The following MTHFD1L variants were observed in gnomAD, a reference collection of about 807,000 sequenced individuals.
MTHFD1L encodes methylenetetrahydrofolate dehydrogenase (NADP+ dependent) 1 like, also known as monofunctional C1-tetrahydrofolate synthase, mitochondrial.
A neutral mutation model predicts 119.5 loss-of-function variants in MTHFD1L; 81 were observed. The observed-to-expected ratio is 0.68, with a 90% confidence interval of 0.57 to 0.82. The LOEUF is 0.82. Ranked by LOEUF, MTHFD1L falls within the 40% of genes least tolerant of loss-of-function variation. The pLI, the probability that MTHFD1L is intolerant of heterozygous loss-of-function variation, is 0.00. For missense variants in MTHFD1L, 1,125 were observed against 1,253.4 expected (o/e 0.90, Z 1.55); for synonymous variants, 430 against 475.2 (o/e 0.90, Z 1.24).
At chr6:151,012,019 C>CAAAAAAAAAAAAAAAAAAAAAAAAA (rs1043831602) in intron 21 of MTHFD1L, among the ~76,000 whole-genome samples, 2 of 58,838 alleles carry the variant, frequency 3.4e-5, no homozygotes, top group Non-Finnish European at 6.7e-5. Context: ...ACAACAACAA[C>CAAAAAAAAAAAAAAAAAAAAAAAAA]AAAAAAAAAA....
At chr6:151,017,472 G>A (rs1312266702) in intron 24 of MTHFD1L, among the ~76,000 whole-genome samples, 2 of 151,728 alleles carry the variant, frequency 1.3e-5, no homozygotes, top group South Asian at 2.1e-4. Flanking sequence ...TCAGGCTCCC[G>A]AGTAGCTGGG....
At chr6:150,906,385 C>A (rs1785908481) in intron 8 of MTHFD1L, among the ~76,000 whole-genome samples, 1 of 152,232 alleles carries the variant, frequency 6.6e-6, no homozygotes, top group Non-Finnish European at 1.5e-5. Flanking sequence ...CCAAGCAGTG[C>A]CCGCAACAGG....
chr6:150,900,551 C>T (rs771137677), intron 7 of MTHFD1L, among the ~76,000 whole-genome samples: 21 of 152,274 alleles, frequency 1.4e-4, no homozygotes, highest in Non-Finnish European at 2.4e-4. Context: ...GTTCCAGACC[C>T]GGGCCCCCAG....
At chr6:151,006,847 G>A (rs1437119795) in intron 20 of MTHFD1L, among the ~76,000 whole-genome samples, 1 of 152,010 alleles carries the variant, frequency 6.6e-6, no homozygotes, top group Non-Finnish European at 1.5e-5. Context: ...AGAACTTAGA[G>A]ATCACTTGAT....
At chr6:151,007,555 T>G (rs1781580381) in intron 20 of MTHFD1L, among the ~76,000 whole-genome samples, 1 of 152,188 alleles carries the variant, frequency 6.6e-6, no homozygotes, top group Admixed American at 6.5e-5. Context: ...AACAAGGAAC[T>G]TGCCAAGGTG....
intron 26 of MTHFD1L, among the ~76,000 whole-genome samples, chr6:151,061,057 G>A (rs73622439): frequency 0.022 from 3,340 of 152,220 alleles, 125 homozygotes; most frequent in African/African-American, 0.076. Flanking sequence ...TGCAGAAATG[G>A]CTCTCAGATT....
intron 7 of MTHFD1L, among the ~76,000 whole-genome samples, chr6:150,902,669 A>G (rs1310377294): frequency 1.3e-5 from 2 of 152,188 alleles, no homozygotes; most frequent in African/African-American, 2.4e-5. Flanking sequence ...GCTGTTCTCC[A>G]GTTGCAGATG....
intron 5 of MTHFD1L, among the ~76,000 whole-genome samples, chr6:150,884,687 C>T (rs117097155): frequency 6.6e-6 from 1 of 152,128 alleles, no homozygotes; most frequent in Non-Finnish European, 1.5e-5. Context: ...GAAAATGGTT[C>T]TAAATGTCTC....
chr6:150,973,511 T>C (rs1371465911), intron 20 of MTHFD1L, among the ~76,000 whole-genome samples: 4 of 152,136 alleles, frequency 2.6e-5, no homozygotes, highest in Non-Finnish European at 5.9e-5. Flanking sequence ...GAAAGTTGGG[T>C]GCTTAAGTGA....
At chr6:151,003,485 T>C (rs1216078162) in intron 20 of MTHFD1L, among the ~76,000 whole-genome samples, 3 of 151,936 alleles carry the variant, frequency 2.0e-5, no homozygotes, top group African/African-American at 7.3e-5. Flanking sequence ...TAAGCCGAGA[T>C]CGCACCATTG....
In MTHFD1L at chr6:150,887,856, G is replaced by T; in HGVS notation, c.655G>T (p.Asp219Tyr). 1 of 1,601,156 alleles carries T rather than the reference G, an allele frequency of 6.2e-7. No individual in the cohort carries two copies. ...CATTTGGTTAGTAGGTGTCAACCTA[G>T]ATGGAAAGAAGATTTTGGTAGTGGG... ...ELLEKSGVNL[D>Y]GKKILVVGAH... The change falls in exon 7 of 28, where the codon GAT (aspartate) becomes TAT (tyrosine). Residue 219 changes from aspartate (D) to tyrosine (Y), a missense_variant. This residue lies in a region of MTHFD1L where 1,058 missense variants were observed against 1,151.2 expected (regional missense o/e 0.92). Coordinates refer to ENST00000367321, the MANE Select transcript of MTHFD1L (RefSeq NM_015440.5).
In MTHFD1L at chr6:151,101,648, A is replaced by G. The variant is rs1006194045; in HGVS notation, c.*154A>G. The stretch of plus-strand genomic sequence containing the variant: ...TAGGCCAAAGATTTCTTCTTCGTTC[A>G]AGATGAATTCTGTTCACAGTGGAGT... On this transcript the variant is annotated 3_prime_UTR_variant, in exon 28 of 28. Coordinates refer to ENST00000367321, the MANE Select transcript of MTHFD1L (RefSeq NM_015440.5). 6.6e-6 allele frequency: 1 copy of G among 152,652 alleles called. No homozygotes were observed. The highest frequency in any genetic ancestry group is 1.5e-5 in the Non-Finnish European group (1 of 68,042). The allele number at this position is 152,652 out of a possible 1,614,324, so 9.5% of individuals were successfully genotyped here. A position where few individuals can be genotyped will look rare whatever the true frequency, so the allele number is the denominator to read the frequency against.
In MTHFD1L at chr6:150,984,791, A is replaced by G. The variant is rs147433106; in HGVS notation, c.2125+12733A>G. ...CTTACAATCTGTCTTTCAAAGTTTC[A>G]ATAGACTTAACTTAGAGTCATTTTT... On this transcript the variant is annotated intron_variant, in intron 20 of 27. Coordinates refer to ENST00000367321, the MANE Select transcript of MTHFD1L (RefSeq NM_015440.5). 2.8e-4 allele frequency among the ~76,000 whole-genome samples: 42 copies of G among 152,356 alleles called. 1 individual carries two copies. In the East Asian group the frequency reaches 6.9e-3, roughly 25 times the overall value.
At chr6:151,028,037 T>C (rs1215266831) in intron 24 of MTHFD1L, among the ~76,000 whole-genome samples, 1 of 152,120 alleles carries the variant, frequency 6.6e-6, no homozygotes, top group Admixed American at 6.5e-5. Flanking sequence ...GCATCAGAAG[T>C]GCTGAGTGCT....
chr6:150,913,753 G>C (rs1352465692), intron 8 of MTHFD1L, among the ~76,000 whole-genome samples: 2 of 152,094 alleles, frequency 1.3e-5, no homozygotes, highest in South Asian at 2.1e-4. Flanking sequence ...CAGCACTTTG[G>C]GGGGCCTAAG....
chr6:150,920,185 A>T (rs549570045), intron 9 of MTHFD1L, among the ~76,000 whole-genome samples: 6 of 152,214 alleles, frequency 3.9e-5, no homozygotes, highest in Non-Finnish European at 5.9e-5. Context: ...ACTTCCTTTT[A>T]TCCTGTTTGT....
At chr6:150,933,479 A>G (rs1583637481) in intron 11 of MTHFD1L, among the ~76,000 whole-genome samples, 2 of 152,060 alleles carry the variant, frequency 1.3e-5, no homozygotes, top group Admixed American at 1.3e-4. Context: ...TATAACTTTC[A>G]GTCTTCACGT....
intron 26 of MTHFD1L, among the ~76,000 whole-genome samples, chr6:151,088,623 A>ATTTTTTTTTTTT (rs71014539): frequency 1.5e-4 from 19 of 128,612 alleles, no homozygotes; most frequent in East Asian, 4.6e-4. Flanking sequence ...CACCCAGCTA[A>ATTTTTTTTTTTT]TTTTTTTTTT....
intron 19 of MTHFD1L, among the ~76,000 whole-genome samples, chr6:150,970,928 T>G (rs1435764728): frequency 6.6e-6 from 1 of 152,182 alleles, no homozygotes; most frequent in Non-Finnish European, 1.5e-5. Context: ...TCCGTGGCCC[T>G]GAAGAATTCC....
Sources: gnomAD v4.1 joint callset for allele counts (sites outside exome capture counted in the v4.1 genomes callset) on GRCh38, gnomAD v4.1.1 for gene constraint, gnomAD v4.1.1 regional missense constraint, MANE v1.5 for transcripts, NCBI Gene and HGNC (gene_info 2026-07-23, HGNC 2026-07-21) for gene names.